COL11A1: variants seen among roughly 807,000 people sequenced by gnomAD.
The protein encoded by COL11A1 is collagen alpha-1(XI) chain.
COL11A1 carries 74 observed loss-of-function variants against 265.2 expected under a neutral mutation model. That is an observed-to-expected ratio of 0.28 (90% CI 0.23 to 0.34). The LOEUF (loss-of-function observed/expected upper bound fraction) is 0.34, where lower values mean the gene tolerates loss of function less well. Ranked by LOEUF, COL11A1 falls within the 10% of genes least tolerant of loss-of-function variation. The pLI is 1.00. For missense variants in COL11A1, 2,165 were observed against 2,263.6 expected, an observed-to-expected ratio of 0.96 and a Z score of 0.88; for synonymous variants, 816 against 727.6, an observed-to-expected ratio of 1.12 and a Z score of -1.96.
chr1:103,089,834 A>C (rs1207467141), intron 1 of COL11A1, among the ~76,000 whole-genome samples: 1 of 152,192 alleles, frequency 6.6e-6, no homozygotes, highest in African/African-American at 2.4e-5. Context: ...TGTGGGAAGA[A>C]TATAGGTGTG....
At chr1:102,908,284 A>G (rs1654234563) in intron 54 of COL11A1, among the ~76,000 whole-genome samples, 1 of 152,084 alleles carries the variant, frequency 6.6e-6, no homozygotes, top group Non-Finnish European at 1.5e-5. Flanking sequence ...CTAACAAATT[A>G]TTCTATGCAT....
chr1:103,083,570 A>G (rs1672611332), intron 1 of COL11A1, among the ~76,000 whole-genome samples: 1 of 152,106 alleles, frequency 6.6e-6, no homozygotes, highest in Non-Finnish European at 1.5e-5. Context: ...GAGAAGTTGA[A>G]AGAAAGGTGT....
intron 65 of COL11A1, among the ~76,000 whole-genome samples, chr1:102,880,654 ATC>A (rs1650120906): frequency 6.6e-6 from 1 of 152,122 alleles, no homozygotes; most frequent in Admixed American, 6.5e-5. Flanking sequence ...TAATAAAAAT[ATC>A]TGAGTTCAGC....
At chr1:103,065,042 T>C (rs971221388) in intron 4 of COL11A1, among the ~76,000 whole-genome samples, 1 of 152,146 alleles carries the variant, frequency 6.6e-6, no homozygotes, top group Non-Finnish European at 1.5e-5. Flanking sequence ...AACTATAGAC[T>C]TTGGGTGATA....
At chr1:103,057,979 GC>G (rs1670370193) in intron 4 of COL11A1, among the ~76,000 whole-genome samples, 2 of 152,268 alleles carry the variant, frequency 1.3e-5, no homozygotes, top group East Asian at 3.9e-4. Context: ...GTCCTTTGAA[GC>G]TTTAAAGCCA....
At chr1:102,999,116 A>T (rs899747359) in intron 24 of COL11A1, among the ~76,000 whole-genome samples, 4 of 151,934 alleles carry the variant, frequency 2.6e-5, no homozygotes, top group Admixed American at 2.6e-4. Context: ...TGACACATCA[A>T]GTTATTGTCC....
intron 1 of COL11A1, among the ~76,000 whole-genome samples, chr1:103,092,563 A>G (rs1212451398): frequency 1.3e-5 from 2 of 152,190 alleles, no homozygotes; most frequent in African/African-American, 2.4e-5. Context: ...TGAAAACTGC[A>G]TAAGATTAAG....
Position 102,888,751 on chromosome 1 carries a change from T to G in COL11A1, c.4526A>C (p.Gln1509Pro), listed in dbSNP as rs1057521422. The change falls in exon 61 of 67, where the codon CAA (glutamine) becomes CCA (proline). Residue 1509 changes from glutamine (Q) to proline (P), a missense_variant. Physicochemically the swap from Gln to Pro is moderately conservative, Grantham distance 76 (BLOSUM62 -1). Coordinates refer to ENST00000370096, the MANE Select transcript of COL11A1 (RefSeq NM_001854.4). Reference protein sequence around the residue: ...PPGPPGLPGPQGPKGNKGSTG... With the variant: ...PPGPPGLPGPPGPKGNKGSTG... Reference sequence around the variant, plus strand: ...AGAGCCTTTGTTACCCTTTGGGCCTTGAGGACCCTACAAAATGCAAATGCA... The same window carrying G: ...AGAGCCTTTGTTACCCTTTGGGCCTGGAGGACCCTACAAAATGCAAATGCA... The G allele has an allele frequency of 1.2e-5, 19 of 1,613,850 alleles. No homozygotes were observed. The Middle Eastern group carries it at 2.1e-3, about 182-fold the overall frequency.
chr1:102,980,185 T>A (rs1662907157), intron 31 of COL11A1, among the ~76,000 whole-genome samples: 5 of 152,006 alleles, frequency 3.3e-5, no homozygotes. Flanking sequence ...TAATTTGAAA[T>A]TTGTGGGACT....
chr1:102,920,394 C>T, intron 48 of COL11A1, 30 bp from the exon 49 acceptor site: 1 of 1,591,578 alleles, frequency 6.3e-7, no homozygotes, highest in Non-Finnish European at 8.6e-7. Context: ...ATGTAATTAT[C>T]CATATTCTTA....
At chr1:102,992,674 A>G (rs1299042173) in intron 28 of COL11A1, among the ~76,000 whole-genome samples, 1 of 152,094 alleles carries the variant, frequency 6.6e-6, no homozygotes, top group African/African-American at 2.4e-5. Flanking sequence ...TTAGAAAACT[A>G]AATTGTAATC....
intron 63 of COL11A1, among the ~76,000 whole-genome samples, chr1:102,885,265 C>CT (rs577008632): frequency 1.5e-4 from 22 of 151,078 alleles, no homozygotes; most frequent in South Asian, 2.1e-4. Flanking sequence ...TCTTGTTAAC[C>CT]TTTTTTTTTA....
chr1:103,084,291 T>A (rs1381887116), intron 1 of COL11A1, among the ~76,000 whole-genome samples: 2 of 152,146 alleles, frequency 1.3e-5, no homozygotes, highest in African/African-American at 4.8e-5. Flanking sequence ...ACTTTCTGTC[T>A]CTAGTTACTC....
In COL11A1 at chr1:103,099,157, G is replaced by T. The variant is rs75854519; in HGVS notation, c.106+8916C>A. Among the ~76,000 whole-genome samples, 99 of 151,728 alleles carry T rather than the reference G, an allele frequency of 6.5e-4. No individual in the cohort carries two copies. The East Asian group carries it at 0.019, about 29-fold the overall frequency. Reference sequence around the variant, plus strand: ...ATTCTGTTCTAGATGAAATAAATCAGATAAACATACCTATACCAGTGATTT... The same window carrying T: ...ATTCTGTTCTAGATGAAATAAATCATATAAACATACCTATACCAGTGATTT... On this transcript the variant is annotated intron_variant, in intron 1 of 66. Transcript: ENST00000370096.
chr1:103,028,955 A>G (rs919783909), intron 5 of COL11A1, among the ~76,000 whole-genome samples: 4 of 152,128 alleles, frequency 2.6e-5, no homozygotes, highest in Admixed American at 1.3e-4. Context: ...TAATTTTAAT[A>G]TTAGCTTGTC....
intron 1 of COL11A1, among the ~76,000 whole-genome samples, chr1:103,106,168 T>G (rs2102441866): frequency 6.6e-6 from 1 of 152,270 alleles, no homozygotes; most frequent in African/African-American, 2.4e-5. Context: ...TACAGAAATT[T>G]GATATTAAAA....
intron 46 of COL11A1, among the ~76,000 whole-genome samples, chr1:102,930,504 T>C (rs937981687): frequency 1.3e-5 from 2 of 152,036 alleles, no homozygotes; most frequent in African/African-American, 2.4e-5. Context: ...CAGTATTTTA[T>C]TGAGGATTTT....
At chr1:103,036,944 A>C (rs572254172) in intron 4 of COL11A1, among the ~76,000 whole-genome samples, 1 of 152,212 alleles carries the variant, frequency 6.6e-6, no homozygotes, top group African/African-American at 2.4e-5. Flanking sequence ...AGCAAATAAA[A>C]TGTAAGAAAA....
At chr1:102,934,031 T>A (rs368792569) in intron 46 of COL11A1, among the ~76,000 whole-genome samples, 8 of 152,238 alleles carry the variant, frequency 5.3e-5, no homozygotes, top group African/African-American at 1.9e-4. Context: ...CAGATGAAAA[T>A]GCAGAAATCA....
Sources: gnomAD v4.1 joint callset for allele counts (sites outside exome capture counted in the v4.1 genomes callset) on GRCh38, gnomAD v4.1.1 for gene constraint, MANE v1.5 for transcripts, NCBI Gene and HGNC (gene_info 2026-07-23, HGNC 2026-07-21) for gene names.